GNAT3: variants seen among roughly 807,000 people sequenced by gnomAD.
GNAT3 encodes the protein G protein subunit alpha transducin 3, also known as guanine nucleotide-binding protein G(t) subunit alpha-3.
GNAT3 carries 31 observed loss-of-function variants against 37.7 expected under a neutral mutation model. The ratio of observed to expected loss-of-function variants is 0.82; its 90% CI spans 0.62 to 1.11. GNAT3 has a LOEUF of 1.11. GNAT3 is among the 50% of genes most tolerant of loss of function. The pLI is 0.00. For synonymous variants in GNAT3, 138 were observed against 139.8 expected (o/e 0.99, Z 0.09); for missense variants, 437 against 412.5 (o/e 1.06, Z -0.51).
intron 1 of GNAT3, among the ~76,000 whole-genome samples, chr7:80,504,215 C>A (rs915602733): frequency 1.1e-4 from 16 of 152,008 alleles, no homozygotes; most frequent in African/African-American, 3.9e-4. Context: ...ACTGTGGATG[C>A]TGAGGTGGGA....
At chr7:80,479,063 A>T (rs1015451990) in intron 3 of GNAT3, 65 bp from the exon 4 acceptor site, 1 of 1,108,532 alleles carries the variant, frequency 9.0e-7, no homozygotes, top group Admixed American at 2.7e-5. Context: ...ATTTTCTAAT[A>T]GAGTAATTTA....
At chr7:80,504,478 A>G (rs1790896309) in intron 1 of GNAT3, among the ~76,000 whole-genome samples, 1 of 152,244 alleles carries the variant, frequency 6.6e-6, no homozygotes, top group Admixed American at 6.5e-5. Context: ...TGAGCATAGC[A>G]TCCTTTGAGA....
intron 2 of GNAT3, among the ~76,000 whole-genome samples, chr7:80,494,306 G>T: frequency 6.6e-6 from 1 of 152,200 alleles, no homozygotes; most frequent in East Asian, 1.9e-4. Flanking sequence ...AATATTTACC[G>T]TTAATGATCA....
chr7:80,484,688 G>A (rs975458180), intron 3 of GNAT3, among the ~76,000 whole-genome samples: 2 of 151,876 alleles, frequency 1.3e-5, no homozygotes, highest in African/African-American at 2.4e-5. Flanking sequence ...AGGATATGAA[G>A]GTTTGTTACA....
Position 80,462,183 on chromosome 7 carries a change from T to C in GNAT3, c.850A>G (p.Ser284Gly). ...FQEKVTKVHL[S>G]ICFPEYTGPN... ...CCAGTGTATTCTGGAAAGCAGATAC[T>C]AAGATGCACCTTGGTTACCTTTTCT... Residue 284 changes from serine to glycine, a missense_variant, in exon 7 of 8, where the codon AGT becomes GGT. Ser to Gly is a moderately conservative substitution (Grantham distance 56). Transcript: ENST00000398291. 1 of 1,578,548 alleles carries C rather than the reference T, an allele frequency of 6.3e-7. No homozygotes were observed. Among genetic ancestry groups the C allele is most frequent in the Non-Finnish European group, 8.6e-7 (1 of 1,160,342 alleles).
At chr7:80,473,446 G>A (rs1307219408) in intron 5 of GNAT3, among the ~76,000 whole-genome samples, 2 of 151,874 alleles carry the variant, frequency 1.3e-5, no homozygotes, top group Non-Finnish European at 2.9e-5. Context: ...AATAATTCAT[G>A]CCACTCTATC....
chr7:80,488,189 A>T (rs1365873324), intron 3 of GNAT3, among the ~76,000 whole-genome samples: 1 of 152,120 alleles, frequency 6.6e-6, no homozygotes, highest in African/African-American at 2.4e-5. Context: ...AAATGGCATA[A>T]CTAAAAAAAT....
chr7:80,505,004 A>G (rs1790905246), intron 1 of GNAT3, among the ~76,000 whole-genome samples: 1 of 152,252 alleles, frequency 6.6e-6, no homozygotes, highest in South Asian at 2.1e-4. Flanking sequence ...ACACTGTTTT[A>G]TTCTACAACA....
At chr7:80,511,769 A>G in intron 1 of GNAT3, 40 bp downstream of exon 1, 1 of 1,275,330 alleles carries the variant, frequency 7.8e-7, no homozygotes, top group South Asian at 1.3e-5. Flanking sequence ...CAATTGAAAA[A>G]AAAGTCAGGT....
At chr7:80,464,524 G>T (rs1239924929) in intron 5 of GNAT3, among the ~76,000 whole-genome samples, 3 of 152,014 alleles carry the variant, frequency 2.0e-5, no homozygotes, top group Admixed American at 6.6e-5. Flanking sequence ...ATAGGGAATT[G>T]ACATTTTTTG....
At chr7:80,466,588 T>C (rs572276346) in intron 5 of GNAT3, among the ~76,000 whole-genome samples, 9 of 152,110 alleles carry the variant, frequency 5.9e-5, no homozygotes, top group Non-Finnish European at 1.3e-4. Flanking sequence ...GGAATTAAGA[T>C]ATGGGAACTC....
chr7:80,468,457 G>A (rs1341093679), intron 5 of GNAT3, among the ~76,000 whole-genome samples: 2 of 151,914 alleles, frequency 1.3e-5, no homozygotes. Context: ...TCTCTACTAT[G>A]TATATGATTA....
Position 80,488,577 on chromosome 7 carries a change from G to A in GNAT3, c.261C>T (p.Ala87=), listed in dbSNP as rs188950721. Residue 87 remains alanine (A), a synonymous_variant, in exon 3 of 8, where the codon GCC becomes GCT. Coordinates refer to ENST00000398291, the MANE Select transcript of GNAT3 (RefSeq NM_001102386.3). Reference sequence around the variant, plus strand: ...CATAATCAATTCCAAGGGTAGTCATGGCTTTCACAATAGCTAGGATGGATT... The same window carrying A: ...CATAATCAATTCCAAGGGTAGTCATAGCTTTCACAATAGCTAGGATGGATT... The part of the protein sequence containing the change: ...TLQSILAIVK[A]MTTLGIDYVN... The A allele has an allele frequency of 7.5e-6, 12 of 1,600,474 alleles. No homozygotes were observed. The highest frequency in any genetic ancestry group is 6.8e-5 in the Admixed American group (4 of 58,590).
intron 2 of GNAT3, among the ~76,000 whole-genome samples, chr7:80,493,756 C>A (rs1790652894): frequency 9.4e-6 from 1 of 106,328 alleles, no homozygotes. Flanking sequence ...TCCTCCACCT[C>A]TTTCCTCCTC....
chr7:80,479,487 A>C (rs543171671), intron 3 of GNAT3, among the ~76,000 whole-genome samples: 2 of 152,128 alleles, frequency 1.3e-5, no homozygotes, highest in African/African-American at 4.8e-5. Flanking sequence ...AGGGAGGCCG[A>C]GGTGGGTAGA....
intron 5 of GNAT3, among the ~76,000 whole-genome samples, chr7:80,468,895 G>A (rs1790165270): frequency 1.3e-5 from 2 of 152,144 alleles, no homozygotes; most frequent in Middle Eastern, 3.4e-3. Flanking sequence ...ATTTAATAAT[G>A]TAATTCATAA....
chr7:80,468,611 C>A (rs1216944135), intron 5 of GNAT3, among the ~76,000 whole-genome samples: 2 of 152,098 alleles, frequency 1.3e-5, no homozygotes, highest in Admixed American at 6.6e-5. Context: ...TGTGTCTTCA[C>A]TACACACCCA....
intron 7 of GNAT3, among the ~76,000 whole-genome samples, chr7:80,461,027 C>A (rs1252011068): frequency 1.5e-5 from 2 of 132,980 alleles, no homozygotes; most frequent in African/African-American, 2.9e-5. Flanking sequence ...AATTAGTAAT[C>A]AATATATTTG....
chr7:80,477,910 GT>G (rs1320877748), intron 4 of GNAT3, among the ~76,000 whole-genome samples: 1 of 152,138 alleles, frequency 6.6e-6, no homozygotes, highest in Non-Finnish European at 1.5e-5. Flanking sequence ...TAAAATAATT[GT>G]TTTTTGGGGT....
Sources: allele counts gnomAD v4.1 joint callset (sites outside exome capture counted in the v4.1 genomes callset), GRCh38; gene constraint gnomAD v4.1.1; transcripts MANE v1.5; gene names NCBI Gene and HGNC (gene_info 2026-07-23, HGNC 2026-07-21).